The following GPC5 variants were observed in gnomAD, a reference collection of about 807,000 sequenced individuals.
GPC5 encodes the protein glypican-5.
In GPC5, 47 loss-of-function variants were observed where a neutral mutation model predicts 53.9. That is an observed-to-expected ratio of 0.87 (90% confidence interval 0.69 to 1.11). GPC5 has a LOEUF of 1.11. Ranked by LOEUF, GPC5 falls within the 50% of genes most tolerant of loss-of-function variation. The probability of loss-of-function intolerance (pLI) is 0.00; values close to 1 mark genes in which losing one functional copy is unlikely to be tolerated. For synonymous variants in GPC5, 286 were observed against 263.3 expected (o/e 1.09, Z -0.84); for missense variants, 748 against 713.1 (o/e 1.05, Z -0.56).
chr13:91,732,777 G>T (rs1315944281), intron 4 of GPC5, among the ~76,000 whole-genome samples: 1 of 152,098 alleles, frequency 6.6e-6, no homozygotes, highest in African/African-American at 2.4e-5. Flanking sequence ...ATTAAATAGG[G>T]AATCCTTTTC....
intron 7 of GPC5, among the ~76,000 whole-genome samples, chr13:92,685,544 A>T (rs1162543150): frequency 4.2e-4 from 44 of 105,582 alleles, no homozygotes; most frequent in Admixed American, 1.2e-3. Flanking sequence ...AATTATGCTC[A>T]TTTTTTTTTT....
intron 2 of GPC5, among the ~76,000 whole-genome samples, chr13:91,677,493 G>T (rs1355195181): frequency 6.6e-6 from 1 of 152,118 alleles, no homozygotes; most frequent in African/African-American, 2.4e-5. Context: ...GTTTATATTT[G>T]TTTGTTTTTA....
At chr13:92,499,753 A>G (rs1000420874) in intron 7 of GPC5, among the ~76,000 whole-genome samples, 4 of 152,170 alleles carry the variant, frequency 2.6e-5, no homozygotes, top group Non-Finnish European at 5.9e-5. Context: ...CGGTAGGGAA[A>G]TATTCTAGTT....
intron 7 of GPC5, among the ~76,000 whole-genome samples, chr13:92,274,307 T>C (rs2042860236): frequency 6.6e-6 from 1 of 152,144 alleles, no homozygotes; most frequent in African/African-American, 2.4e-5. Flanking sequence ...TGCCTTGCAT[T>C]TAACATCACA....
intron 7 of GPC5, among the ~76,000 whole-genome samples, chr13:92,571,727 T>G (rs1343708529): frequency 6.6e-6 from 1 of 152,256 alleles, no homozygotes; most frequent in East Asian, 1.9e-4. Context: ...GCAAACTCAT[T>G]TGGAATATCC....
intron 2 of GPC5, among the ~76,000 whole-genome samples, chr13:91,622,727 C>A (rs1330773529): frequency 6.6e-6 from 1 of 152,086 alleles, no homozygotes; most frequent in Non-Finnish European, 1.5e-5. Context: ...AGCAGTGGAT[C>A]ACCTGTGCAT....
intron 2 of GPC5, among the ~76,000 whole-genome samples, chr13:91,574,502 C>A (rs146910820): frequency 5.3e-4 from 80 of 151,992 alleles, no homozygotes; most frequent in African/African-American, 1.8e-3. Flanking sequence ...AAGGGACCGA[C>A]AGAACAAGCA....
intron 5 of GPC5, among the ~76,000 whole-genome samples, chr13:91,833,639 A>AC (rs1566293317): frequency 6.6e-6 from 1 of 152,132 alleles, no homozygotes. Context: ...AATGACAAAA[A>AC]CCACATGATT....
At chr13:92,707,376 C>T (rs1204274562) in intron 7 of GPC5, among the ~76,000 whole-genome samples, 1 of 152,076 alleles carries the variant, frequency 6.6e-6, no homozygotes, top group African/African-American at 2.4e-5. Context: ...CTGTGCCTCT[C>T]GTATGATGCA....
intron 6 of GPC5, among the ~76,000 whole-genome samples, chr13:91,926,413 C>T (rs1325156224): frequency 6.7e-6 from 1 of 149,684 alleles, no homozygotes; most frequent in Non-Finnish European, 1.5e-5. Flanking sequence ...TATTAATAAG[C>T]ATTTTTTGTT....
At chr13:92,643,281 G>A (rs558802375) in intron 7 of GPC5, among the ~76,000 whole-genome samples, 23 of 152,096 alleles carry the variant, frequency 1.5e-4, no homozygotes, top group African/African-American at 3.9e-4. Context: ...TTGGTGTTTT[G>A]GACATGAAGT....
intron 7 of GPC5, among the ~76,000 whole-genome samples, chr13:92,543,193 C>T (rs1409790840): frequency 6.6e-6 from 1 of 151,910 alleles, no homozygotes; most frequent in Non-Finnish European, 1.5e-5. Context: ...CTCTATTTGT[C>T]TGTGTCATAT....
chr13:91,572,188 TACAC>T lies in GPC5; in HGVS notation c.326-120993_326-120990del, dbSNP rs71767543. Among the ~76,000 whole-genome samples the T allele has an allele frequency of 4.7e-5, 5 of 106,826 alleles. No homozygotes were observed. The East Asian group carries it at 7.0e-4, about 15-fold the overall frequency. The allele number at this position is 106,826 out of a possible 152,430, so 70.1% of individuals were successfully genotyped here. On this transcript the variant is annotated intron_variant, in intron 2 of 7. Transcript: ENST00000377067. ...ACACATATGTATATATACGTGTGTA[TACAC>T]ACACATATGTATATATACGTGTATA...
chr13:91,706,640 T>C (rs1480433392), intron 3 of GPC5, among the ~76,000 whole-genome samples: 5 of 152,144 alleles, frequency 3.3e-5, no homozygotes, highest in Admixed American at 1.3e-4. Context: ...GGTACTTTTT[T>C]GTTGGGAAGT....
At chr13:92,772,490 G>T (rs1432330223) in intron 7 of GPC5, among the ~76,000 whole-genome samples, 1 of 152,018 alleles carries the variant, frequency 6.6e-6, no homozygotes, top group East Asian at 1.9e-4. Context: ...TGTTATTTTT[G>T]GTTCAATTTC....
intron 7 of GPC5, among the ~76,000 whole-genome samples, chr13:92,469,508 T>C (rs1352533270): frequency 6.6e-6 from 1 of 152,194 alleles, no homozygotes; most frequent in Non-Finnish European, 1.5e-5. Context: ...GTTAGCATTA[T>C]GATTAAGACT....
At chr13:91,980,183 G>C (rs1437218319) in intron 6 of GPC5, among the ~76,000 whole-genome samples, 1 of 152,196 alleles carries the variant, frequency 6.6e-6, no homozygotes, top group Non-Finnish European at 1.5e-5. Flanking sequence ...AAGTATCAAA[G>C]TGTGCATTTA....
intron 6 of GPC5, among the ~76,000 whole-genome samples, chr13:92,033,174 T>C (rs1285633162): frequency 6.6e-6 from 1 of 152,038 alleles, no homozygotes; most frequent in East Asian, 1.9e-4. Flanking sequence ...CCAAAGCCTA[T>C]AACTTGAGTA....
intron 7 of GPC5, among the ~76,000 whole-genome samples, chr13:92,150,638 G>T (rs11842003): frequency 6.6e-6 from 1 of 151,872 alleles, no homozygotes; most frequent in Admixed American, 6.6e-5. Flanking sequence ...TGAAGTAAAA[G>T]GTTTGTCCTT....
Sources: gnomAD v4.1 joint callset for allele counts (sites outside exome capture counted in the v4.1 genomes callset) on GRCh38, gnomAD v4.1.1 for gene constraint, MANE v1.5 for transcripts, NCBI Gene and HGNC (gene_info 2026-07-23, HGNC 2026-07-21) for gene names.